SPOCK1: variants seen among roughly 807,000 people sequenced by gnomAD.
The protein encoded by SPOCK1 is SPARC (osteonectin), cwcv and kazal like domains proteoglycan 1, also known as testican-1.
A neutral mutation model predicts 55.3 loss-of-function variants in SPOCK1; 23 were observed. The ratio of observed to expected loss-of-function variants is 0.42; its 90% CI spans 0.30 to 0.59. SPOCK1 has a LOEUF of 0.59. SPOCK1 is among the 20% of genes least tolerant of loss of function. The pLI is 0.22. For missense variants in SPOCK1, 499 were observed against 552.5 expected (o/e 0.90, Z 0.97); for synonymous variants, 226 against 221.0 (o/e 1.02, Z -0.20).
chr5:137,029,625 T>G (rs1251498683), intron 6 of SPOCK1, among the ~76,000 whole-genome samples: 7 of 152,210 alleles, frequency 4.6e-5, no homozygotes, highest in Non-Finnish European at 1.0e-4. Flanking sequence ...AAACTTGGTT[T>G]GGCAAGGAAG....
intron 3 of SPOCK1, among the ~76,000 whole-genome samples, chr5:137,230,238 G>T (rs1268337112): frequency 6.6e-6 from 1 of 152,180 alleles, no homozygotes; most frequent in East Asian, 1.9e-4. Context: ...CAAGAGCCTT[G>T]TCTCAAACCA....
At chr5:137,068,479 A>T (rs2127006659) in intron 5 of SPOCK1, among the ~76,000 whole-genome samples, 1 of 152,356 alleles carries the variant, frequency 6.6e-6, no homozygotes, top group South Asian at 2.1e-4. Context: ...GAAGCCCATA[A>T]TCCACATCCT....
intron 2 of SPOCK1, among the ~76,000 whole-genome samples, chr5:137,316,421 A>G (rs1757881914): frequency 6.6e-6 from 1 of 152,170 alleles, no homozygotes; most frequent in Non-Finnish European, 1.5e-5. Context: ...TCTTTCAGCT[A>G]TGATGTGAGC....
At chr5:137,460,892 C>T (rs1580939532) in intron 2 of SPOCK1, among the ~76,000 whole-genome samples, 1 of 152,156 alleles carries the variant, frequency 6.6e-6, no homozygotes. Context: ...ATGCCTCTTC[C>T]CAGATCTTAA....
intron 2 of SPOCK1, among the ~76,000 whole-genome samples, chr5:137,490,821 T>G (rs1754161049): frequency 6.6e-6 from 1 of 151,926 alleles, no homozygotes; most frequent in Admixed American, 6.6e-5. Context: ...GAGCTACAAC[T>G]GGAAAATAAC....
chr5:137,199,148 G>C (rs1023947416), intron 3 of SPOCK1, among the ~76,000 whole-genome samples: 1 of 152,204 alleles, frequency 6.6e-6, no homozygotes, highest in Non-Finnish European at 1.5e-5. Flanking sequence ...GTCTGAGTCA[G>C]TGGATTCTGT....
chr5:136,991,666 C>A (rs1014829374), intron 7 of SPOCK1, among the ~76,000 whole-genome samples: 3 of 152,188 alleles, frequency 2.0e-5, no homozygotes, highest in African/African-American at 4.8e-5. Flanking sequence ...AAGGCTGTGG[C>A]CAAACTACAT....
chr5:137,304,703 C>T (rs142288597), intron 2 of SPOCK1, among the ~76,000 whole-genome samples: 1 of 152,268 alleles, frequency 6.6e-6, no homozygotes, highest in Non-Finnish European at 1.5e-5. Context: ...TGCTCTGGAC[C>T]AGTGGCCCAT....
rs1285775846 is a variant in SPOCK1 at position 136,976,439 on chromosome 5, T to G, written c.*2215A>C. 6.6e-6 allele frequency: 1 copy of G among 152,608 alleles called. No individual in the cohort carries two copies. The highest frequency in any genetic ancestry group is 1.9e-4 in the East Asian group (1 of 5,200). The allele number at this position is 152,608 out of a possible 1,614,324, so 9.5% of individuals were successfully genotyped here. A position where few individuals can be genotyped will look rare whatever the true frequency, so the allele number is the denominator to read the frequency against. On this transcript the variant is annotated 3_prime_UTR_variant, in exon 11 of 11. Transcript: ENST00000394945. The stretch of plus-strand genomic sequence containing the variant: ...ACTTGTCATAAGATAATTAGGCAAA[T>G]TAAAATCAGTGGTTCACCCTGTTCC...
intron 2 of SPOCK1, among the ~76,000 whole-genome samples, chr5:137,469,024 G>C (rs1420964866): frequency 6.6e-6 from 1 of 152,174 alleles, no homozygotes; most frequent in African/African-American, 2.4e-5. Flanking sequence ...TTGATAAACT[G>C]TAGGAAGCTG....
chr5:137,440,377 T>C (rs1463134833), intron 2 of SPOCK1, among the ~76,000 whole-genome samples: 2 of 152,182 alleles, frequency 1.3e-5, no homozygotes, highest in Admixed American at 6.6e-5. Flanking sequence ...TAAGTTTGCA[T>C]GGCCCAAGAA....
chr5:137,481,012 G>A (rs756190126), intron 2 of SPOCK1, among the ~76,000 whole-genome samples: 6 of 152,106 alleles, frequency 3.9e-5, no homozygotes, highest in South Asian at 2.1e-4. Flanking sequence ...AACTTCTCAC[G>A]AATTCCTTTG....
At chr5:137,187,529 C>T (rs35533716) in intron 3 of SPOCK1, among the ~76,000 whole-genome samples, 64,767 of 151,958 alleles carry the variant, frequency 0.43, 14,407 homozygotes, top group Non-Finnish European at 0.48. Flanking sequence ...TACCTCCTTA[C>T]TGAGGTGTTC....
At chr5:137,373,468 C>A (rs936385569) in intron 2 of SPOCK1, among the ~76,000 whole-genome samples, 4 of 152,212 alleles carry the variant, frequency 2.6e-5, no homozygotes, top group African/African-American at 7.2e-5. Flanking sequence ...CCTGCAGCAT[C>A]CCTGTAGAAG....
At chr5:137,301,991 A>C (rs1404612237) in intron 2 of SPOCK1, among the ~76,000 whole-genome samples, 1 of 152,142 alleles carries the variant, frequency 6.6e-6, no homozygotes, top group Non-Finnish European at 1.5e-5. Context: ...GCGCTTCTAA[A>C]ACAATGTGCT....
chr5:137,283,823 A>G (rs542601849), intron 2 of SPOCK1, among the ~76,000 whole-genome samples: 1 of 152,334 alleles, frequency 6.6e-6, no homozygotes, highest in Admixed American at 6.5e-5. Flanking sequence ...GAAAATGAGC[A>G]TAGTCGATGT....
At chr5:137,342,946 A>T (rs911772902) in intron 2 of SPOCK1, among the ~76,000 whole-genome samples, 24 of 152,212 alleles carry the variant, frequency 1.6e-4, no homozygotes, top group Admixed American at 7.9e-4. Flanking sequence ...AATGAGCTGA[A>T]CCTCATTCAC....
chr5:137,051,667 C>G (rs1752211077), intron 6 of SPOCK1, among the ~76,000 whole-genome samples: 1 of 151,902 alleles, frequency 6.6e-6, no homozygotes, highest in Non-Finnish European at 1.5e-5. Context: ...GAATTCATAT[C>G]AAATTAAGGA....
chr5:137,286,384 C>A lies in SPOCK1; in HGVS notation c.187-19329G>T, dbSNP rs1341884191. 2.6e-5 allele frequency among the ~76,000 whole-genome samples: 4 copies of A among 152,114 alleles called. 1 individual carries two copies. Among genetic ancestry groups the A allele is most frequent in the Non-Finnish European group, 5.9e-5 (4 of 68,028 alleles). ...TATGTGTTGCCCTGGCCACGAGAGT[C>A]CACAGGGCTGCCATGGATGGTTGTA... On this transcript the variant is annotated intron_variant, in intron 2 of 10. Coordinates refer to ENST00000394945, the MANE Select transcript of SPOCK1 (RefSeq NM_004598.4).
Sources: allele counts gnomAD v4.1 joint callset (sites outside exome capture counted in the v4.1 genomes callset), GRCh38; gene constraint gnomAD v4.1.1; transcripts MANE v1.5; gene names NCBI Gene and HGNC (gene_info 2026-07-23, HGNC 2026-07-21).